POM121: variants seen among roughly 807,000 people sequenced by gnomAD.
POM121 encodes nuclear envelope pore membrane protein POM 121.
POM121 carries 32 observed loss-of-function variants against 81.3 expected under a neutral mutation model. That is an observed-to-expected ratio of 0.39 (90% CI 0.30 to 0.53). The LOEUF is 0.53. POM121 is among the 20% of genes least tolerant of loss of function. The probability of loss-of-function intolerance (pLI) is 0.66; values close to 1 mark genes in which losing one functional copy is unlikely to be tolerated. For synonymous variants in POM121, 514 were observed against 694.2 expected (o/e 0.74, Z 4.08); for missense variants, 1,138 against 1,614.6 (o/e 0.70, Z 5.06).
downstream of POM121, chr7:72,949,490 T>A (rs1797931598): frequency 6.5e-7 from 1 of 1,539,446 alleles, no homozygotes; most frequent in South Asian, 1.1e-5. Flanking sequence ...GCAAAGATCT[T>A]CCTAGGGCAG....
Position 72,939,435 on chromosome 7 carries a change from G to C in POM121, c.1441+26G>C, listed in dbSNP as rs782469170. 14 of 1,613,102 alleles carry C rather than the reference G, an allele frequency of 8.7e-6. No homozygotes were observed. In the South Asian group the frequency reaches 1.1e-4, roughly 13 times the overall value. On this transcript the variant is annotated intron_variant, in intron 7 of 12. Transcript: ENST00000434423. Reference sequence around the variant, plus strand: ...GTAGGTTGCTGAGCCAGGAGGAGGGGCTGCTGTTGGTGGTGGAGGTGTTTG... The same window carrying C: ...GTAGGTTGCTGAGCCAGGAGGAGGGCCTGCTGTTGGTGGTGGAGGTGTTTG...
rs1489865341 is a variant in POM121 at position 72,906,393 on chromosome 7, G to A, written c.-215-7372G>A. Reference sequence around the variant, plus strand: ...ATCAGCCAGCTGCTTCGGGAACTCAGGCTCAGGAATTGGGGAGTGTTGGCT... The same window carrying A: ...ATCAGCCAGCTGCTTCGGGAACTCAAGCTCAGGAATTGGGGAGTGTTGGCT... On this transcript the variant is annotated intron_variant, in intron 3 of 15. Coordinates refer to the POM121 transcript ENST00000395270. Among the ~76,000 whole-genome samples the A allele has an allele frequency of 2.0e-5, 3 of 152,238 alleles. 1 individual carries two copies. Among genetic ancestry groups the A allele is most frequent in the African/African-American group, 7.2e-5 (3 of 41,466 alleles).
intron 4 of POM121, among the ~76,000 whole-genome samples, chr7:72,929,177 G>C (rs1795774040): frequency 6.6e-6 from 1 of 152,198 alleles, no homozygotes; most frequent in Non-Finnish European, 1.5e-5. Context: ...TATTAGCCCA[G>C]AGGAGAAAAG....
chr7:72,924,728 T>G, upstream of POM121: 2 of 185,332 alleles, frequency 1.1e-5, no homozygotes, highest in East Asian at 1.5e-4. Flanking sequence ...ATTTGTAACA[T>G]AGAAATGGAG....
In POM121 at chr7:72,945,678, G is replaced by C. The variant is rs781831729; in HGVS notation, c.3622G>C (p.Ala1208Pro). 6.2e-7 allele frequency: 1 copy of C among 1,611,560 alleles called. No homozygotes were observed. The highest frequency in any genetic ancestry group is 2.2e-5 in the East Asian group (1 of 44,836). ...CTCCTTTGGGGCATCCTCAGCACCC[G>C]CCCAAGGCTTTGTTGGTGTTGCACC... ...SLSFGASSAP[A>P]QGFVGVAPFG... The change falls in exon 12 of 13, where the codon GCC becomes CCC. Residue 1208 changes from alanine (A) to proline (P), a missense_variant. Ala to Pro is a conservative substitution (Grantham distance 27). Coordinates refer to ENST00000434423, the MANE Select transcript of POM121 (RefSeq NM_001387691.1).
At chr7:72,908,970 T>G (rs1346954850) in intron 3 of POM121, among the ~76,000 whole-genome samples, 1 of 152,202 alleles carries the variant, frequency 6.6e-6, no homozygotes, top group Non-Finnish European at 1.5e-5. Flanking sequence ...GATGATGGGA[T>G]TAAGAGATTA....
At chr7:72,899,764 A>G (rs1554492343) in intron 3 of POM121, among the ~76,000 whole-genome samples, 1 of 151,884 alleles carries the variant, frequency 6.6e-6, no homozygotes, top group African/African-American at 2.4e-5. Context: ...TATTTTTAGT[A>G]GAGATGGGGT....
intron 3 of POM121, among the ~76,000 whole-genome samples, chr7:72,902,893 G>T (rs1417112459): frequency 3.3e-5 from 5 of 152,122 alleles, no homozygotes; most frequent in Non-Finnish European, 5.9e-5. Context: ...TGTTCTCCTT[G>T]TATCCTTTAA....
In POM121 at chr7:72,939,364, T is replaced by C. The variant is rs375766007; in HGVS notation, c.1396T>C (p.Ser466Pro). 1.9e-6 allele frequency: 3 copies of C among 1,613,806 alleles called. No individual in the cohort carries two copies. The African/African-American group carries it at 4.0e-5, about 22-fold the overall frequency. The change falls in exon 7 of 13, where the codon TCT becomes CCT. Residue 466 changes from serine (S) to proline (P), a missense_variant. Ser to Pro is a moderately conservative substitution (Grantham distance 74, BLOSUM62 -1). Transcript: ENST00000434423. ...REEELCHHSSSSTPLAADRES... is the reference protein window; with the variant it reads ...REEELCHHSSPSTPLAADRES... ...AGAGGAGCTGTGTCATCATTCCAGTTCTTCAACTCCATTGGCAGCAGACAG... is the reference window on the plus strand; with the variant it reads ...AGAGGAGCTGTGTCATCATTCCAGTCCTTCAACTCCATTGGCAGCAGACAG...
In POM121 at chr7:72,945,598, C is replaced by T. The variant is rs1554502989; in HGVS notation, c.3542C>T (p.Pro1181Leu). Residue 1181 changes from proline (P) to leucine (L), a missense_variant, in exon 12 of 13, where the codon CCC becomes CTC. Pro to Leu is a moderately conservative substitution (Grantham distance 98). Around this residue, in one of 7 missense-constraint regions of POM121, gnomAD observed 336 missense variants for 344.3 expected, o/e 0.98. Coordinates refer to ENST00000434423, the MANE Select transcript of POM121 (RefSeq NM_001387691.1). ...CTCTTCATTCCAGGCACCGCCACCCCCACCTTTGGTCTGAACACCCCTGCG... is the reference window on the plus strand; with the variant it reads ...CTCTTCATTCCAGGCACCGCCACCCTCACCTTTGGTCTGAACACCCCTGCG... ...SKPVFGGTAT[P>L]TFGLNTPAPG... 6.2e-7 allele frequency: 1 copy of T among 1,613,394 alleles called. No homozygotes were observed. Among genetic ancestry groups the T allele is most frequent in the South Asian group, 1.1e-5 (1 of 91,022 alleles).
upstream of POM121, chr7:72,925,018 T>C (rs535141878): frequency 9.3e-5 from 123 of 1,329,318 alleles, no homozygotes; most frequent in African/African-American, 1.6e-3. Context: ...GGCGGTAGCG[T>C]CTCCCGGAGT....
At position 72,930,004 on chromosome 7, in the gene POM121, C is replaced by T. The variant is rs1554498261; in HGVS notation, c.1168C>T (p.Arg390Ter). ...SSDDHLNKRS[R>*]SSSMSSLTGA... ...AGATGACCACTTGAATAAGAGATCC[C>T]GAAGCTCTTCCATGAGCTCCTTGAC... Residue 390 changes from arginine to a stop codon, truncating the protein, a stop_gained, in exon 5 of 13, where the codon CGA (arginine) becomes TGA (stop). Transcript: ENST00000434423. LOFTEE classifies it high-confidence loss of function. 1.9e-6 allele frequency: 3 copies of T among 1,613,848 alleles called. No homozygotes were observed. Among genetic ancestry groups the T allele is most frequent in the Admixed American group, 1.7e-5 (1 of 60,002 alleles).
Position 72,914,988 on chromosome 7 carries a change from GTAT to G in POM121, c.-152+1165_-152+1167del, listed in dbSNP as rs561988916. On this transcript the variant is annotated intron_variant, in intron 4 of 15. Coordinates refer to the POM121 transcript ENST00000395270. ...CATTTTTTACTTACAGGTGGTACCT[GTAT>G]TATTCCCTCCACCTCTGCAGGGAAG... Among the ~76,000 whole-genome samples the G allele has an allele frequency of 2.6e-3, 391 of 152,260 alleles. 2 individuals are homozygous for G. Among genetic ancestry groups the G allele is most frequent in the Non-Finnish European group, 4.7e-3 (318 of 68,014 alleles).
chr7:72,889,117 T>A (rs1554490490), intron 1 of POM121, among the ~76,000 whole-genome samples: 2 of 152,228 alleles, frequency 1.3e-5, no homozygotes, highest in African/African-American at 4.8e-5. Context: ...TTATGTTATT[T>A]ATTGGTCCAT....
chr7:72,925,678 C>G lies in POM121; in HGVS notation c.557C>G (p.Pro186Arg). ...PPRSPPPRSP[P>R]PSPPTHRAHH... ...CGCTCCCCACCGCCGCGCTCCCCCC[C>G]GCCCTCCCCGCCGACCCATCGCGCT... The change falls in exon 1 of 13, where the codon CCG becomes CGG. Residue 186 changes from proline to arginine, a missense_variant. Transcript: ENST00000434423. 9 of 1,228,338 alleles carry G rather than the reference C, an allele frequency of 7.3e-6. No homozygotes were observed. The highest frequency in any genetic ancestry group is 9.1e-6 in the Non-Finnish European group (9 of 987,780). The allele number at this position is 1,228,338 out of a possible 1,614,324, so 76.1% of individuals were successfully genotyped here. A position where few individuals can be genotyped will look rare whatever the true frequency, so the allele number is the denominator to read the frequency against.
intron 10 of POM121, among the ~76,000 whole-genome samples, chr7:72,941,551 A>G (rs1431302947): frequency 1.3e-5 from 2 of 149,190 alleles, no homozygotes; most frequent in Admixed American, 1.3e-4. Context: ...AAGTATATCT[A>G]GATTCATACG....
chr7:72,889,787 G>T (rs1389416242), intron 1 of POM121, among the ~76,000 whole-genome samples: 2 of 152,134 alleles, frequency 1.3e-5, no homozygotes, highest in Admixed American at 6.5e-5. Flanking sequence ...CAAAGTGCTA[G>T]GATTATAGGC....
chr7:72,943,228 A>T lies in POM121; in HGVS notation c.3235A>T (p.Thr1079Ser). 1 of 1,612,526 alleles carries T rather than the reference A, an allele frequency of 6.2e-7. No homozygotes were observed. The highest frequency in any genetic ancestry group is 8.5e-7 in the Non-Finnish European group (1 of 1,179,688). Reference protein sequence around the residue: ...TSSGFGATTQTASSGSSSSVF... With the variant: ...TSSGFGATTQSASSGSSSSVF... ...CTCCGGCTTTGGAGCCACCACCCAG[A>T]CCGCCAGCAGCGGGAGCAGCAGCTC... is the stretch of plus-strand genomic sequence containing the variant. The change falls in exon 11 of 13, where the codon ACC becomes TCC. Residue 1079 changes from threonine to serine, a missense_variant. Physicochemically the swap from Thr to Ser is moderately conservative, Grantham distance 58. This residue lies in a region of POM121 where 336 missense variants were observed against 344.3 expected (regional missense o/e 0.98). Coordinates refer to ENST00000434423, the MANE Select transcript of POM121 (RefSeq NM_001387691.1).
chr7:72,932,651 C>G (rs1458348790), intron 5 of POM121, among the ~76,000 whole-genome samples: 5 of 152,192 alleles, frequency 3.3e-5, no homozygotes, highest in African/African-American at 1.2e-4. Flanking sequence ...AGAGCATGCA[C>G]CACTCAGCAT....
Sources: allele counts gnomAD v4.1 joint callset (sites outside exome capture counted in the v4.1 genomes callset), GRCh38; gene constraint gnomAD v4.1.1; regional missense constraint gnomAD v4.1.1; transcripts MANE v1.5; gene names NCBI Gene and HGNC (gene_info 2026-07-23, HGNC 2026-07-21).